RBFOX1: variants seen among roughly 807,000 people sequenced by gnomAD.
RBFOX1 encodes the protein RNA binding fox-1 homolog 1.
RBFOX1 carries 8 observed loss-of-function variants against 57.7 expected under a neutral mutation model. The observed-to-expected ratio is 0.14, with a 90% CI of 0.08 to 0.25. The LOEUF is 0.25. Among genes scored for constraint, RBFOX1 ranks in the 10% least tolerant of loss-of-function variants. The pLI, the probability that RBFOX1 is intolerant of heterozygous loss-of-function variation, is 1.00. For synonymous variants in RBFOX1, 326 were observed against 222.4 expected, an observed-to-expected ratio of 1.47 and a Z score of -4.15; for missense variants, 611 against 548.5, an observed-to-expected ratio of 1.11 and a Z score of -1.14.
intron 3 of RBFOX1, among the ~76,000 whole-genome samples, chr16:7,036,945 T>G (rs888105545): frequency 6.6e-6 from 1 of 152,158 alleles, no homozygotes; most frequent in African/African-American, 2.4e-5. Context: ...AGGAGTAGAT[T>G]ATTCATGCTT....
chr16:6,483,080 C>T (rs1035336164), intron 2 of RBFOX1: 60 of 971,522 alleles, frequency 6.2e-5, no homozygotes, highest in Non-Finnish European at 7.4e-5. Context: ...TTGCAAGTGC[C>T]TCCGACCCGT....
intron 3 of RBFOX1, among the ~76,000 whole-genome samples, chr16:5,626,549 G>A (rs1283363004): frequency 1.3e-5 from 2 of 152,054 alleles, no homozygotes; most frequent in African/African-American, 4.8e-5. Context: ...AGCCCGTAGT[G>A]GACCCTAACC....
intron 1 of RBFOX1, among the ~76,000 whole-genome samples, chr16:5,465,701 A>T (rs1316520421): frequency 6.6e-6 from 1 of 152,194 alleles, no homozygotes; most frequent in Non-Finnish European, 1.5e-5. Context: ...ACATACTAAT[A>T]ATAGCTGTTA....
In RBFOX1 at chr16:7,117,485, G is replaced by C. The variant is rs547836071; in HGVS notation, c.27+65387G>C. On this transcript the variant is annotated intron_variant, in intron 4 of 15. Transcript: ENST00000550418. Reference sequence around the variant, plus strand: ...GCTTATCCAATTACTTAATGTGTGAGTTTAGGAAAATATCTATTAACTTAC... The same window carrying C: ...GCTTATCCAATTACTTAATGTGTGACTTTAGGAAAATATCTATTAACTTAC... Among the ~76,000 whole-genome samples, 4 of 152,194 alleles carry C rather than the reference G, an allele frequency of 2.6e-5. No individual in the cohort carries two copies. In the South Asian group the frequency reaches 8.3e-4, roughly 32 times the overall value.
chr16:5,863,021 A>G (rs2057261511), intron 3 of RBFOX1, among the ~76,000 whole-genome samples: 7 of 152,128 alleles, frequency 4.6e-5, no homozygotes, highest in Admixed American at 4.6e-4. Flanking sequence ...ATCATGTGGC[A>G]GAATCCCTGC....
In RBFOX1 at chr16:6,925,532, G is replaced by A. The variant is rs996900503; in HGVS notation, c.-15-126525G>A. On this transcript the variant is annotated intron_variant, in intron 3 of 15. Coordinates refer to ENST00000550418, the MANE Select transcript of RBFOX1 (RefSeq NM_018723.4). Reference sequence around the variant, plus strand: ...GAATGTAAATTTCCGGGGGGGCAGGGATTTTGATCTATTTTATTCACTGAC... The same window carrying A: ...GAATGTAAATTTCCGGGGGGGCAGGAATTTTGATCTATTTTATTCACTGAC... Among the ~76,000 whole-genome samples the A allele has an allele frequency of 2.0e-5, 3 of 151,648 alleles. No individual in the cohort carries two copies. The East Asian group carries it at 5.8e-4, about 29-fold the overall frequency.
At chr16:6,897,548 C>G (rs1425270172) in intron 3 of RBFOX1, among the ~76,000 whole-genome samples, 3 of 152,218 alleles carry the variant, frequency 2.0e-5, no homozygotes, top group Non-Finnish European at 4.4e-5. Flanking sequence ...AATCCCAACA[C>G]TTTGGGAGTC....
chr16:6,638,625 A>AT (rs1175790084), intron 2 of RBFOX1, among the ~76,000 whole-genome samples: 1 of 152,178 alleles, frequency 6.6e-6, no homozygotes, highest in Admixed American at 6.5e-5. Context: ...GATTGAACAA[A>AT]TTTTTTACAC....
At chr16:6,388,031 G>A (rs2152927825) in intron 2 of RBFOX1, among the ~76,000 whole-genome samples, 1 of 146,634 alleles carries the variant, frequency 6.8e-6, no homozygotes, top group South Asian at 2.2e-4. Context: ...CCAGGCTGGA[G>A]TGCACTGGAA....
At chr16:7,600,533 T>G (rs554282562) in intron 9 of RBFOX1, among the ~76,000 whole-genome samples, 1 of 152,266 alleles carries the variant, frequency 6.6e-6, no homozygotes, top group East Asian at 1.9e-4. Context: ...TAAAGTCACA[T>G]TGAAATGAGA....
intron 10 of RBFOX1, among the ~76,000 whole-genome samples, chr16:7,626,197 T>C (rs952082137): frequency 2.6e-5 from 4 of 152,176 alleles, no homozygotes; most frequent in African/African-American, 7.2e-5. Context: ...TTTTCCTCAC[T>C]TAGGGGGTTG....
At chr16:6,800,081 C>T (rs971125761) in intron 3 of RBFOX1, among the ~76,000 whole-genome samples, 2 of 152,270 alleles carry the variant, frequency 1.3e-5, no homozygotes, top group African/African-American at 2.4e-5. Flanking sequence ...TGTCAGTAAA[C>T]TGTCATGGTG....
intron 4 of RBFOX1, among the ~76,000 whole-genome samples, chr16:7,322,533 G>T (rs531189029): frequency 1.5e-4 from 23 of 152,348 alleles, no homozygotes; most frequent in Non-Finnish European, 2.8e-4. Flanking sequence ...CTGATGGACA[G>T]TCAGAAGCTC....
chr16:7,641,420 T>G (rs577903206), intron 11 of RBFOX1, among the ~76,000 whole-genome samples: 1 of 152,350 alleles, frequency 6.6e-6, no homozygotes, highest in South Asian at 2.1e-4. Flanking sequence ...CAAAAGCTAT[T>G]TATCCCTAAT....
intron 1 of RBFOX1, among the ~76,000 whole-genome samples, chr16:5,407,070 G>A (rs2066887778): frequency 6.6e-6 from 1 of 152,176 alleles, no homozygotes; most frequent in Admixed American, 6.5e-5. Flanking sequence ...CCTGGGTGGG[G>A]AGGCCTCAGG....
intron 3 of RBFOX1, among the ~76,000 whole-genome samples, chr16:6,846,848 T>C (rs2093782064): frequency 1.3e-5 from 2 of 152,000 alleles, no homozygotes; most frequent in African/African-American, 4.8e-5. Context: ...TTGGATGGCA[T>C]GCTCATAAGT....
At chr16:5,577,099 A>G (rs1034915106) in intron 2 of RBFOX1, among the ~76,000 whole-genome samples, 51 of 152,130 alleles carry the variant, frequency 3.4e-4, no homozygotes, top group African/African-American at 1.2e-3. Context: ...ACATTTTCCA[A>G]GTTGGTCTCT....
chr16:6,880,724 C>T (rs892350993), intron 3 of RBFOX1, among the ~76,000 whole-genome samples: 3 of 152,056 alleles, frequency 2.0e-5, no homozygotes, highest in African/African-American at 4.8e-5. Flanking sequence ...ACTTCTTGGA[C>T]GATGATTATT....
chr16:6,126,117 G>A (rs768364267), intron 1 of RBFOX1, among the ~76,000 whole-genome samples: 1 of 151,968 alleles, frequency 6.6e-6, no homozygotes, highest in Non-Finnish European at 1.5e-5. Flanking sequence ...TTGCATTTTC[G>A]TTTCCACTTC....
Sources: allele counts gnomAD v4.1 joint callset (sites outside exome capture counted in the v4.1 genomes callset), GRCh38; gene constraint gnomAD v4.1.1; transcripts MANE v1.5; gene names NCBI Gene and HGNC (gene_info 2026-07-23, HGNC 2026-07-21).